Variants in DEFB108B observed in about 807,000 individuals in gnomAD.
DEFB108B encodes beta-defensin 108B.
In DEFB108B, 3 loss-of-function variants were observed where a neutral mutation model predicts 2.4. That is an observed-to-expected ratio of 1.25 (90% CI 0.57 to 3.24). The LOEUF is 3.24. DEFB108B is among the 30% of genes most tolerant of loss of function. The pLI, the probability that DEFB108B is intolerant of heterozygous loss-of-function variation, is 0.03. For synonymous variants in DEFB108B, 25 were observed against 28.7 expected (o/e 0.87, Z 0.41); for missense variants, 101 against 87.8 (o/e 1.15, Z -0.60).
rs548252551 is a variant in DEFB108B at position 71,836,744 on chromosome 11, G to T, written c.59-655G>T. ...TGCAACCTCAAATACCCGTGCCAGAGATATAAGTAGTGAGTGAAGTCTCAG... is the reference window on the plus strand; with the variant it reads ...TGCAACCTCAAATACCCGTGCCAGATATATAAGTAGTGAGTGAAGTCTCAG... On this transcript the variant is annotated intron_variant, in intron 1 of 1. Transcript: ENST00000328698. 3.3e-5 allele frequency among the ~76,000 whole-genome samples: 5 copies of T among 152,194 alleles called. No homozygotes were observed. In the East Asian group the frequency reaches 5.8e-4, roughly 18 times the overall value.
intron 1 of DEFB108B, 187 bp from the exon 2 acceptor site, chr11:71,837,211 CA>C (rs1467784547): frequency 4.4e-5 from 34 of 774,082 alleles, no homozygotes; most frequent in Non-Finnish European, 6.3e-5. Flanking sequence ...TCAAGAACAC[CA>C]AAAAATCCAA....
intron 1 of DEFB108B, among the ~76,000 whole-genome samples, chr11:71,833,643 TCA>T (rs1384682589): frequency 6.6e-6 from 1 of 152,240 alleles, no homozygotes; most frequent in Non-Finnish European, 1.5e-5. Context: ...TGTGGTAGGC[TCA>T]GACAGAAGGG....
At chr11:71,837,374 T>A in intron 1 of DEFB108B, 25 bp from the exon 2 acceptor site, 1 of 1,610,872 alleles carries the variant, frequency 6.2e-7, no homozygotes, top group South Asian at 1.1e-5. Flanking sequence ...GGTGAATGGT[T>A]ACAATAACCC....
rs1309383541 is a variant in DEFB108B at position 71,837,431 on chromosome 11, C to A, written c.91C>A (p.Pro31Thr). 6.2e-7 allele frequency: 1 copy of A among 1,611,956 alleles called. No homozygotes were observed. The highest frequency in any genetic ancestry group is 1.1e-5 in the South Asian group (1 of 90,992). ...RGKFKEICER[P>T]NGSCRDFCLE... is the part of the protein sequence containing the mutation. ...CAAATTCAAGGAGATCTGTGAACGT[C>A]CAAATGGCTCCTGTCGGGACTTTTG... Residue 31 changes from proline (P) to threonine (T), a missense_variant, in exon 2 of 2, where the codon CCA (proline) becomes ACA (threonine). Physicochemically the swap from Pro to Thr is conservative, Grantham distance 38. Transcript: ENST00000328698.
At chr11:71,833,889 T>C (rs540016159) in intron 1 of DEFB108B, among the ~76,000 whole-genome samples, 91 of 152,268 alleles carry the variant, frequency 6.0e-4, no homozygotes, top group African/African-American at 2.1e-3. Context: ...ATGCAAACAT[T>C]AATCACAGGT....
chr11:71,834,138 C>T lies in DEFB108B; in HGVS notation c.58+881C>T, dbSNP rs185604078. ...ACAGTGGGGTAAATGTCAGAGTCAA[C>T]ACTTTGTTTTAATATCCTGGCTTTC... is the stretch of plus-strand genomic sequence containing the variant. On this transcript the variant is annotated intron_variant, in intron 1 of 1. Transcript: ENST00000328698. Among the ~76,000 whole-genome samples the T allele has an allele frequency of 4.2e-3, 640 of 152,250 alleles. 4 individuals carry two copies. The highest frequency in any genetic ancestry group is 6.0e-3 in the Admixed American group (91 of 15,278).
chr11:71,834,430 A>G (rs1001945727), intron 1 of DEFB108B, among the ~76,000 whole-genome samples: 22 of 152,224 alleles, frequency 1.4e-4, no homozygotes, highest in African/African-American at 5.3e-4. Context: ...CCAGAAAATC[A>G]ATGCTTTTAA....
chr11:71,836,203 C>T (rs1208131439), intron 1 of DEFB108B, among the ~76,000 whole-genome samples: 6 of 152,286 alleles, frequency 3.9e-5, no homozygotes, highest in African/African-American at 4.8e-5. Context: ...TGACCAACAT[C>T]TAGAATTATC....
At chr11:71,836,451 G>GA (rs990962276) in intron 1 of DEFB108B, among the ~76,000 whole-genome samples, 269 of 148,058 alleles carry the variant, frequency 1.8e-3, no homozygotes, top group Middle Eastern at 0.01. Flanking sequence ...TTCCAGAATA[G>GA]AAAAAAAAAA....
In DEFB108B at chr11:71,837,474, A is replaced by C; in HGVS notation, c.134A>C (p.His45Pro). ...CRDFCLETEI[H>P]VGRCLNSQPC... ...GACTTTTGCCTTGAAACAGAAATCCATGTTGGGAGATGTTTAAATAGCCAA... is the reference window on the plus strand; with the variant it reads ...GACTTTTGCCTTGAAACAGAAATCCCTGTTGGGAGATGTTTAAATAGCCAA... Residue 45 changes from histidine (H) to proline (P), a missense_variant, in exon 2 of 2, where the codon CAT becomes CCT. His to Pro is a moderately conservative substitution (Grantham distance 77). Coordinates refer to ENST00000328698, the MANE Select transcript of DEFB108B (RefSeq NM_001002035.2). 1 of 1,611,386 alleles carries C rather than the reference A, an allele frequency of 6.2e-7. No individual in the cohort carries two copies. The highest frequency in any genetic ancestry group is 8.5e-7 in the Non-Finnish European group (1 of 1,179,622).
intron 1 of DEFB108B, among the ~76,000 whole-genome samples, chr11:71,835,023 G>T (rs1367944274): frequency 6.6e-6 from 1 of 152,188 alleles, no homozygotes; most frequent in Non-Finnish European, 1.5e-5. Flanking sequence ...AATGTTACTT[G>T]AATTCTTGTA....
intron 1 of DEFB108B, chr11:71,834,821 T>G (rs1246435953): frequency 6.6e-6 from 1 of 152,240 alleles, no homozygotes; most frequent in East Asian, 1.9e-4. Context: ...CTTGAGCAAG[T>G]TTCTTTCTTT....
At chr11:71,836,916 A>G (rs921584435) in intron 1 of DEFB108B, 1 of 151,336 alleles carries the variant, frequency 6.6e-6, no homozygotes, top group Admixed American at 6.6e-5. Flanking sequence ...AGATACATCT[A>G]TTATAATCTA....
At chr11:71,833,377 T>C (rs554027758) in intron 1 of DEFB108B, 120 bp downstream of exon 1, 16 of 1,478,336 alleles carry the variant, frequency 1.1e-5, no homozygotes, top group Middle Eastern at 2.5e-4. Context: ...TCTGGAAGAC[T>C]CATTGGCTGA....
In DEFB108B at chr11:71,833,256, A is replaced by G. The variant is rs766079550; in HGVS notation, c.57A>G (p.Pro19=). ...TCTTCTTTATGAGCCAAGTTCTACC[A>G]GGTAACAAAATAAACTTGGTAAGAG... The part of the protein sequence containing the change: ...AIFFFMSQVL[P]ARGKFKEICE... The change falls in exon 1 of 2, where the codon CCA becomes CCG. Residue 19 remains proline, a splice_region_variant and synonymous_variant. Transcript: ENST00000328698. 3.2e-6 allele frequency: 5 copies of G among 1,564,618 alleles called. No individual in the cohort carries two copies. In the South Asian group the frequency reaches 4.5e-5, roughly 14 times the overall value.
At chr11:71,835,305 C>T (rs967767116) in intron 1 of DEFB108B, among the ~76,000 whole-genome samples, 5 of 152,084 alleles carry the variant, frequency 3.3e-5, no homozygotes, top group Non-Finnish European at 7.4e-5. Flanking sequence ...GCACTTATTG[C>T]TCGGCCCCCC....
chr11:71,836,464 G>A (rs918147397), intron 1 of DEFB108B, among the ~76,000 whole-genome samples: 3 of 152,058 alleles, frequency 2.0e-5, no homozygotes, highest in Non-Finnish European at 4.4e-5. Flanking sequence ...AAAAAAAAGT[G>A]CTGGTTTTTA....
In DEFB108B at chr11:71,834,513, G is replaced by T. The variant is rs181357630; in HGVS notation, c.58+1256G>T. The stretch of plus-strand genomic sequence containing the variant: ...TTTTCATTGTCACTCAATCAAAATA[G>T]AAGCAACTAATTGGATAGAACAGCA... On this transcript the variant is annotated intron_variant, in intron 1 of 1. Transcript: ENST00000328698. Among the ~76,000 whole-genome samples, 174 of 152,226 alleles carry T rather than the reference G, an allele frequency of 1.1e-3. 1 individual carries two copies. The highest frequency in any genetic ancestry group is 3.9e-3 in the African/African-American group (161 of 41,532).
chr11:71,833,286 G>C, intron 1 of DEFB108B, 29 bp downstream of exon 1: 1 of 1,558,326 alleles, frequency 6.4e-7, no homozygotes, highest in South Asian at 1.1e-5. Flanking sequence ...TAAGAGTAGA[G>C]TGCCTAACAC....
Sources: gnomAD v4.1 joint callset for allele counts (sites outside exome capture counted in the v4.1 genomes callset) on GRCh38, gnomAD v4.1.1 for gene constraint, MANE v1.5 for transcripts, NCBI Gene and HGNC (gene_info 2026-07-23, HGNC 2026-07-21) for gene names.